The following RXRG variants were observed in gnomAD, a reference collection of about 807,000 sequenced individuals.
RXRG encodes the protein retinoic acid receptor RXR-gamma.
RXRG carries 19 observed loss-of-function variants against 49.2 expected under a neutral mutation model. The ratio of observed to expected loss-of-function variants is 0.39; its 90% CI spans 0.27 to 0.57. The LOEUF (loss-of-function observed/expected upper bound fraction) is 0.57, where lower values mean the gene tolerates loss of function less well. Ranked by LOEUF, RXRG falls within the 20% of genes least tolerant of loss-of-function variation. RXRG has a pLI of 0.64. For synonymous variants in RXRG, 224 were observed against 216.6 expected (o/e 1.03, Z -0.30); for missense variants, 452 against 592.5 (o/e 0.76, Z 2.46).
At chr1:165,444,425 C>T (rs920875278) in intron 1 of RXRG, among the ~76,000 whole-genome samples, 6 of 152,198 alleles carry the variant, frequency 3.9e-5, no homozygotes, top group African/African-American at 1.4e-4. Context: ...TCAAGATAGG[C>T]AAAACCTTTT....
At chr1:165,441,456 A>G (rs1659001065) in intron 1 of RXRG, among the ~76,000 whole-genome samples, 1 of 151,430 alleles carries the variant, frequency 6.6e-6, no homozygotes, top group Non-Finnish European at 1.5e-5. Flanking sequence ...CCTGGGTTCA[A>G]TCCCTGGCTG....
chr1:165,428,751 C>T lies in RXRG; in HGVS notation c.265G>A (p.Gly89Arg). The part of the protein sequence containing the change: ...PPSGALAAPP[G>R]INLVAPPSSQ... Reference sequence around the variant, plus strand: ...CTGGGTGGGGCAACCAAGTTGATTCCTGGAGGCGCTGCAAGTGCTCCTGAG... The same window carrying T: ...CTGGGTGGGGCAACCAAGTTGATTCTTGGAGGCGCTGCAAGTGCTCCTGAG... Residue 89 changes from glycine (G) to arginine (R), a missense_variant, in exon 2 of 10, where the codon GGA (glycine) becomes AGA (arginine). By Grantham distance (125) the Gly-to-Arg change is moderately radical. Transcript: ENST00000359842. 6.2e-7 allele frequency: 1 copy of T among 1,604,500 alleles called. No individual in the cohort carries two copies. Among genetic ancestry groups the T allele is most frequent in the Middle Eastern group, 1.7e-4 (1 of 6,014 alleles).
chr1:165,437,195 G>C (rs1300622598), intron 1 of RXRG: 2 of 1,367,708 alleles, frequency 1.5e-6, no homozygotes, highest in Non-Finnish European at 2.0e-6. Flanking sequence ...AGCAGGGGAA[G>C]AACACCCTAG....
intron 1 of RXRG, among the ~76,000 whole-genome samples, chr1:165,431,759 A>C (rs1184714222): frequency 1.3e-5 from 2 of 152,060 alleles, no homozygotes. Context: ...CACACTCATC[A>C]CCCCAAGAAT....
chr1:165,414,489 A>AGAGTTTCTATTC (rs1407259430), intron 4 of RXRG, among the ~76,000 whole-genome samples: 4 of 152,230 alleles, frequency 2.6e-5, no homozygotes, highest in Non-Finnish European at 2.9e-5. Flanking sequence ...CTCTAGAGAA[A>AGAGTTTCTATTC]TAGAAATGAT....
In RXRG at chr1:165,406,920, A is replaced by G. The variant is rs759488991; in HGVS notation, c.1139-3T>C. 6.2e-7 allele frequency: 1 copy of G among 1,607,240 alleles called. No homozygotes were observed. Among genetic ancestry groups the G allele is most frequent in the Non-Finnish European group, 8.5e-7 (1 of 1,174,212 alleles). ...GGGGTTGGACAGGCCCTTGGCATCT[A>G]AAAGACATGACTGAGTTAGCCTTTG... On this transcript the variant is annotated splice_region_variant and splice_polypyrimidine_tract_variant and intron_variant, in intron 8 of 9. Coordinates refer to ENST00000359842, the MANE Select transcript of RXRG (RefSeq NM_006917.5).
intron 1 of RXRG, among the ~76,000 whole-genome samples, 164 bp from the exon 2 acceptor site, chr1:165,429,130 T>C (rs1658591164): frequency 6.6e-6 from 1 of 152,104 alleles, no homozygotes; most frequent in Admixed American, 6.6e-5. Context: ...ACCCTGGTGG[T>C]ATAAAGACAA....
intron 2 of RXRG, among the ~76,000 whole-genome samples, chr1:165,421,668 TA>T (rs1658320176): frequency 6.6e-6 from 1 of 152,000 alleles, no homozygotes; most frequent in South Asian, 2.1e-4. Context: ...TAGCTGGGAT[TA>T]GAGGAGCATG....
intron 1 of RXRG, among the ~76,000 whole-genome samples, chr1:165,435,499 C>T (rs760458013): frequency 1.2e-4 from 18 of 152,194 alleles, no homozygotes; most frequent in Non-Finnish European, 2.5e-4. Context: ...CTGTGCTGAA[C>T]TCCTGCACTG....
intron 1 of RXRG, among the ~76,000 whole-genome samples, chr1:165,438,776 T>C (rs1415312444): frequency 2.0e-5 from 3 of 152,230 alleles, no homozygotes; most frequent in Admixed American, 2.0e-4. Flanking sequence ...GTCTTATTAA[T>C]TTACAACATA....
chr1:165,430,195 G>T (rs986385728), intron 1 of RXRG, among the ~76,000 whole-genome samples: 36 of 152,130 alleles, frequency 2.4e-4, no homozygotes, highest in African/African-American at 8.4e-4. Flanking sequence ...GCCTACTGTG[G>T]GTCAGACACC....
At chr1:165,418,710 T>C (rs79478468) in intron 3 of RXRG, among the ~76,000 whole-genome samples, 19,173 of 152,286 alleles carry the variant, frequency 0.13, 1,307 homozygotes, top group East Asian at 0.21. Context: ...TAGAGAAATA[T>C]GGGACCAATT....
At chr1:165,406,976 ATT>A in intron 8 of RXRG, 59 bp from the exon 9 acceptor site, 1 of 1,255,630 alleles carries the variant, frequency 8.0e-7, no homozygotes, top group Non-Finnish European at 1.2e-6. Context: ...GGCTGTCCCC[ATT>A]CTCTCTGGCC....
At chr1:165,432,783 T>A (rs1196409220) in intron 1 of RXRG, among the ~76,000 whole-genome samples, 2 of 152,038 alleles carry the variant, frequency 1.3e-5, no homozygotes, top group Non-Finnish European at 2.9e-5. Context: ...GAAGGATGAG[T>A]GGTGTTTCTT....
At chr1:165,435,326 T>C (rs1020320984) in intron 1 of RXRG, among the ~76,000 whole-genome samples, 9 of 152,216 alleles carry the variant, frequency 5.9e-5, no homozygotes, top group Non-Finnish European at 1.2e-4. Flanking sequence ...TCTTGTTTAA[T>C]AGTCTCAAGG....
chr1:165,416,540 T>TA (rs762546069), intron 4 of RXRG, among the ~76,000 whole-genome samples: 18 of 151,860 alleles, frequency 1.2e-4, no homozygotes, highest in African/African-American at 1.9e-4. Context: ...CAGACCCAGG[T>TA]AAAAAAAACT....
At chr1:165,444,783 T>C (rs1484613610) in intron 1 of RXRG, 62 bp downstream of exon 1, 87 of 1,382,588 alleles carry the variant, frequency 6.3e-5, no homozygotes, top group Admixed American at 6.1e-4. Context: ...CATTCGTATT[T>C]CCCAATTTCT....
At chr1:165,420,672 C>T (rs1299493947) in intron 2 of RXRG, among the ~76,000 whole-genome samples, 2 of 152,196 alleles carry the variant, frequency 1.3e-5, no homozygotes, top group Non-Finnish European at 2.9e-5. Context: ...ATCAGCTCCC[C>T]ATCACCATCC....
intron 4 of RXRG, among the ~76,000 whole-genome samples, chr1:165,416,735 G>A (rs1225000106): frequency 6.6e-6 from 1 of 152,154 alleles, no homozygotes; most frequent in Non-Finnish European, 1.5e-5. Context: ...GGTCCAGTTT[G>A]GGGATCACCA....
Sources: gnomAD v4.1 joint callset for allele counts (sites outside exome capture counted in the v4.1 genomes callset) on GRCh38, gnomAD v4.1.1 for gene constraint, MANE v1.5 for transcripts, NCBI Gene and HGNC (gene_info 2026-07-23, HGNC 2026-07-21) for gene names.